BMPR1B: variants seen among roughly 807,000 people sequenced by gnomAD.
BMPR1B encodes the protein bone morphogenetic protein receptor type-1B.
Under a neutral mutation model 59.1 loss-of-function variants are expected in BMPR1B, and 12 were observed. That is an observed-to-expected ratio of 0.20 (90% CI 0.13 to 0.33). The LOEUF (loss-of-function observed/expected upper bound fraction) is 0.33, where lower values mean the gene tolerates loss of function less well. BMPR1B is among the 10% of genes least tolerant of loss of function. BMPR1B has a pLI of 1.00. For synonymous variants in BMPR1B, 237 were observed against 207.3 expected, an observed-to-expected ratio of 1.14 and a Z score of -1.23; for missense variants, 550 against 610.9, an observed-to-expected ratio of 0.90 and a Z score of 1.05.
At chr4:95,121,292 A>G (rs1732508530) in intron 6 of BMPR1B, among the ~76,000 whole-genome samples, 1 of 152,260 alleles carries the variant, frequency 6.6e-6, no homozygotes, top group Non-Finnish European at 1.5e-5. Flanking sequence ...ACACAAATGG[A>G]AAAACATCCT....
intron 4 of BMPR1B, among the ~76,000 whole-genome samples, chr4:95,108,090 A>G (rs567568337): frequency 2.0e-5 from 3 of 152,246 alleles, no homozygotes; most frequent in African/African-American, 7.2e-5. Flanking sequence ...AAATTCTTAG[A>G]AAAATTAATT....
chr4:95,073,279 C>A (rs1049492114), intron 3 of BMPR1B, among the ~76,000 whole-genome samples: 3 of 152,164 alleles, frequency 2.0e-5, no homozygotes, highest in African/African-American at 7.2e-5. Flanking sequence ...CTGGGCATCT[C>A]CCCGGTTTTG....
chr4:94,820,752 A>G (rs1724178391), intron 1 of BMPR1B, among the ~76,000 whole-genome samples: 1 of 152,348 alleles, frequency 6.6e-6, no homozygotes, highest in South Asian at 2.1e-4. Flanking sequence ...AATCATGTAG[A>G]CACTTTATAC....
intron 1 of BMPR1B, among the ~76,000 whole-genome samples, chr4:94,871,090 A>C (rs957305656): frequency 6.6e-6 from 1 of 152,126 alleles, no homozygotes; most frequent in Non-Finnish European, 1.5e-5. Flanking sequence ...GCATTATCCC[A>C]ATTTTACAGA....
At chr4:95,001,598 A>T (rs1409926988) in intron 3 of BMPR1B, among the ~76,000 whole-genome samples, 2 of 152,186 alleles carry the variant, frequency 1.3e-5, no homozygotes, top group African/African-American at 4.8e-5. Flanking sequence ...TAGAATATAG[A>T]ATATCTGTAT....
intron 1 of BMPR1B, among the ~76,000 whole-genome samples, chr4:94,843,764 G>A (rs1403231815): frequency 6.6e-6 from 1 of 152,118 alleles, no homozygotes; most frequent in African/African-American, 2.4e-5. Flanking sequence ...ATAATGGGGT[G>A]AAAAGCCTTA....
intron 2 of BMPR1B, among the ~76,000 whole-genome samples, chr4:94,968,847 T>C (rs984695500): frequency 5.3e-5 from 8 of 152,100 alleles, no homozygotes; most frequent in Admixed American, 2.0e-4. Flanking sequence ...AAGATAGGGA[T>C]TTGCCTACAT....
chr4:94,985,509 C>CTA (rs1705428695), intron 2 of BMPR1B, among the ~76,000 whole-genome samples: 1 of 138,792 alleles, frequency 7.2e-6, no homozygotes, highest in African/African-American at 2.6e-5. Context: ...AAAATAAGAG[C>CTA]TGTGTGTGTG....
intron 3 of BMPR1B, among the ~76,000 whole-genome samples, chr4:95,079,374 A>G (rs966855591): frequency 7.2e-5 from 11 of 152,210 alleles, no homozygotes; most frequent in Admixed American, 6.5e-4. Flanking sequence ...CTGAGGATGT[A>G]GCAGTTAGCC....
intron 1 of BMPR1B, among the ~76,000 whole-genome samples, chr4:94,775,806 C>T (rs1369736668): frequency 6.6e-6 from 1 of 152,080 alleles, no homozygotes; most frequent in African/African-American, 2.4e-5. Context: ...AATTAATAGC[C>T]TTTGGCCAGA....
chr4:94,787,455 G>C (rs1722803499), intron 1 of BMPR1B, among the ~76,000 whole-genome samples: 1 of 152,222 alleles, frequency 6.6e-6, no homozygotes, highest in Non-Finnish European at 1.5e-5. Context: ...CCAGAGGAAA[G>C]AAGTATTCTT....
rs529398078 is a variant in BMPR1B, at chr4:94,949,551, C to T, written c.-112-46489C>T. ...CAGGATGGTCTCGATCTCCTGACCT[C>T]GTGATCCACCCGCCTCGGCCTCCCA... On this transcript the variant is annotated intron_variant, in intron 2 of 12. Transcript: ENST00000515059. Among the ~76,000 whole-genome samples the T allele has an allele frequency of 1.4e-4, 16 of 113,024 alleles. 2 individuals carry two copies. The East Asian group carries it at 3.1e-3, about 22-fold the overall frequency. 74.1% of individuals were successfully genotyped at this position (113,024 alleles called of 152,430 possible).
At chr4:94,842,401 C>T (rs759815479) in intron 1 of BMPR1B, among the ~76,000 whole-genome samples, 6 of 152,144 alleles carry the variant, frequency 3.9e-5, no homozygotes, top group Non-Finnish European at 7.3e-5. Context: ...TTAAATACCA[C>T]ATCCTAGATA....
chr4:95,155,000 A>G lies in BMPR1B; in HGVS notation c.*327A>G, dbSNP rs1193016775. The stretch of plus-strand genomic sequence containing the variant: ...TAAGATGCTTTCATTTTGCCAAAAT[A>G]AAACAGATAATGTGGATGGTTTAAG... On this transcript the variant is annotated 3_prime_UTR_variant, in exon 13 of 13. Coordinates refer to ENST00000515059, the MANE Select transcript of BMPR1B (RefSeq NM_001203.3). 1 of 324,062 alleles carries G rather than the reference A, an allele frequency of 3.1e-6. No homozygotes were observed. The highest frequency in any genetic ancestry group is 5.9e-6 in the Non-Finnish European group (1 of 168,126). 20.1% of individuals were successfully genotyped at this position (324,062 alleles called of 1,614,324 possible).
chr4:95,026,110 C>CCTTCTTTCTTTCTTTCTT (rs1553928471), intron 3 of BMPR1B, among the ~76,000 whole-genome samples: 14 of 139,280 alleles, frequency 1.0e-4, no homozygotes, highest in Non-Finnish European at 4.6e-5. Context: ...TTCTTTCTTT[C>CCTTCTTTCTTTCTTTCTT]TTTCTTTCTT....
At chr4:94,805,161 A>C (rs552392727) in intron 1 of BMPR1B, among the ~76,000 whole-genome samples, 5 of 152,228 alleles carry the variant, frequency 3.3e-5, no homozygotes, top group Non-Finnish European at 5.9e-5. Flanking sequence ...GCCAGTGTCT[A>C]TATATACCAT....
chr4:94,993,611 A>G (rs931747668), intron 2 of BMPR1B, among the ~76,000 whole-genome samples: 1 of 152,146 alleles, frequency 6.6e-6, no homozygotes, highest in African/African-American at 2.4e-5. Context: ...AAATACAAAA[A>G]TTAGTCAGGT....
intron 3 of BMPR1B, among the ~76,000 whole-genome samples, chr4:94,998,394 A>G (rs915343043): frequency 3.6e-5 from 5 of 138,128 alleles, no homozygotes; most frequent in African/African-American, 1.4e-4. Context: ...TTTTTTTGAG[A>G]TGGAATTTCA....
intron 3 of BMPR1B, among the ~76,000 whole-genome samples, chr4:95,070,071 C>T (rs1728160645): frequency 1.3e-5 from 2 of 152,134 alleles, no homozygotes; most frequent in Admixed American, 1.3e-4. Flanking sequence ...TGCACTCCAG[C>T]CTGGGCAACA....
Sources: gnomAD v4.1 joint callset for allele counts (sites outside exome capture counted in the v4.1 genomes callset) on GRCh38, gnomAD v4.1.1 for gene constraint, MANE v1.5 for transcripts, NCBI Gene and HGNC (gene_info 2026-07-23, HGNC 2026-07-21) for gene names.